YWHAQ: variants seen among roughly 807,000 people sequenced by gnomAD.
YWHAQ encodes 14-3-3 protein theta.
A neutral mutation model predicts 28.3 loss-of-function variants in YWHAQ; 6 were observed. That is an observed-to-expected ratio of 0.21 (90% CI 0.12 to 0.42). The LOEUF is 0.42. YWHAQ is among the 10% of genes least tolerant of loss of function. The pLI, the probability that YWHAQ is intolerant of heterozygous loss-of-function variation, is 1.00. For missense variants in YWHAQ, 201 were observed against 305.6 expected, an observed-to-expected ratio of 0.66 and a Z score of 2.55; for synonymous variants, 143 against 119.1, an observed-to-expected ratio of 1.20 and a Z score of -1.31.
chr2:9,612,217 T>C (rs1666961772), intron 2 of YWHAQ, among the ~76,000 whole-genome samples: 1 of 152,260 alleles, frequency 6.6e-6, no homozygotes, highest in Non-Finnish European at 1.5e-5. Flanking sequence ...ACTGCTCCAA[T>C]AATCTAACTG....
intron 2 of YWHAQ, among the ~76,000 whole-genome samples, chr2:9,593,754 G>A (rs1193657538): frequency 2.0e-5 from 3 of 151,840 alleles, no homozygotes; most frequent in African/African-American, 2.4e-5. Flanking sequence ...CTTAAACCCC[G>A]GGGGTGGAGG....
In YWHAQ at chr2:9,600,444, T is replaced by C. The variant is rs138734999; in HGVS notation, c.295-8929A>G. On this transcript the variant is annotated intron_variant, in intron 2 of 5. Coordinates refer to ENST00000238081, the MANE Select transcript of YWHAQ (RefSeq NM_006826.4). Reference sequence around the variant, plus strand: ...TTTGAGGGCCGGGTGTGGTGACTCATGCCTATAATCCCAGCACTTGAGAGG... The same window carrying C: ...TTTGAGGGCCGGGTGTGGTGACTCACGCCTATAATCCCAGCACTTGAGAGG... Among the ~76,000 whole-genome samples the C allele has an allele frequency of 2.6e-5, 4 of 152,314 alleles. No individual in the cohort carries two copies. In the East Asian group the frequency reaches 7.7e-4, roughly 29 times the overall value.
At chr2:9,611,644 G>GAAAA (rs1361099508) in intron 2 of YWHAQ, among the ~76,000 whole-genome samples, 1 of 152,106 alleles carries the variant, frequency 6.6e-6, no homozygotes, top group African/African-American at 2.4e-5. Flanking sequence ...TTTGAAATAT[G>GAAAA]TATATCTACT....
At chr2:9,592,281 G>C (rs1037142503) in intron 2 of YWHAQ, among the ~76,000 whole-genome samples, 1 of 152,082 alleles carries the variant, frequency 6.6e-6, no homozygotes, top group African/African-American at 2.4e-5. Flanking sequence ...AAAAGTTCTT[G>C]AGTATGTCTT....
chr2:9,621,809 T>C (rs532489478), intron 2 of YWHAQ, among the ~76,000 whole-genome samples: 3 of 152,118 alleles, frequency 2.0e-5, no homozygotes, highest in Non-Finnish European at 4.4e-5. Flanking sequence ...AACGATAAAC[T>C]GGATCAAGAA....
At chr2:9,612,304 C>T (rs971873219) in intron 2 of YWHAQ, among the ~76,000 whole-genome samples, 1 of 152,158 alleles carries the variant, frequency 6.6e-6, no homozygotes. Context: ...AATTCCATTG[C>T]GGGCACGTTA....
At chr2:9,606,891 T>G (rs112283571) in intron 2 of YWHAQ, among the ~76,000 whole-genome samples, 22,445 of 150,796 alleles carry the variant, frequency 0.15, 2,020 homozygotes, top group Middle Eastern at 0.23. Context: ...TATTTTTCTT[T>G]TTTTTTTTTT....
chr2:9,630,417 C>G lies in YWHAQ; in HGVS notation c.36G>C (p.Leu12=). 1 of 1,612,842 alleles carries G rather than the reference C, an allele frequency of 6.2e-7. No individual in the cohort carries two copies. The highest frequency in any genetic ancestry group is 2.2e-5 in the East Asian group (1 of 44,860). Residue 12 remains leucine (L), a synonymous_variant, in exon 2 of 6, where the codon CTG becomes CTC. Transcript: ENST00000238081. The surrounding 1 kb of genome is among the most constrained non-coding windows in gnomAD (Gnocchi z 5.6). ...CGTCGTAGCGCTCGGCCTGCTCGGC[C>G]AGCTTGGCCTTCTGGATCAGCTCAG... ...EKTELIQKAK[L]AEQAERYDDM...
At chr2:9,629,775 T>C (rs747415491) in intron 2 of YWHAQ, among the ~76,000 whole-genome samples, 5 of 152,218 alleles carry the variant, frequency 3.3e-5, no homozygotes, top group Admixed American at 6.5e-5. Flanking sequence ...AAAAGGTGCC[T>C]GCGCCTTCTT....
chr2:9,623,801 T>C (rs1216770844), intron 2 of YWHAQ, among the ~76,000 whole-genome samples: 5 of 150,576 alleles, frequency 3.3e-5, no homozygotes, highest in Admixed American at 3.3e-4. Flanking sequence ...ATAAATAAAA[T>C]TAAATTTAAA....
At chr2:9,604,116 G>A (rs138707538) in intron 2 of YWHAQ, among the ~76,000 whole-genome samples, 5 of 152,208 alleles carry the variant, frequency 3.3e-5, no homozygotes, top group African/African-American at 1.2e-4. Flanking sequence ...TCAGTGCTAC[G>A]CTCCCCACCT....
intron 2 of YWHAQ, among the ~76,000 whole-genome samples, chr2:9,615,546 G>C (rs909379111): frequency 3.3e-5 from 5 of 152,160 alleles, no homozygotes; most frequent in African/African-American, 1.2e-4. Flanking sequence ...GAAGGTCTCA[G>C]AGGTCCTCTT....
At chr2:9,614,087 T>C (rs1440475069) in intron 2 of YWHAQ, among the ~76,000 whole-genome samples, 1 of 152,224 alleles carries the variant, frequency 6.6e-6, no homozygotes, top group African/African-American at 2.4e-5. Flanking sequence ...TCCTATGCTA[T>C]ATCCCCACAT....
chr2:9,590,925 A>T (rs1373057433), intron 3 of YWHAQ, among the ~76,000 whole-genome samples: 2 of 152,202 alleles, frequency 1.3e-5, no homozygotes, highest in East Asian at 3.8e-4. Context: ...TTAGCAGTCA[A>T]TGTTATGACC....
At chr2:9,620,780 G>A (rs1409727263) in intron 2 of YWHAQ, 1 of 152,172 alleles carries the variant, frequency 6.6e-6, no homozygotes, top group East Asian at 1.9e-4. Flanking sequence ...AAGATGGGGT[G>A]CAGGGGCAGA....
At chr2:9,624,622 TTCC>T (rs1667212569) in intron 2 of YWHAQ, among the ~76,000 whole-genome samples, 3 of 152,144 alleles carry the variant, frequency 2.0e-5, no homozygotes, top group African/African-American at 7.2e-5. Context: ...AGCACCTTCC[TTCC>T]TCAAGTCTTA....
chr2:9,606,930 G>C (rs1290296882), intron 2 of YWHAQ, among the ~76,000 whole-genome samples: 2 of 149,922 alleles, frequency 1.3e-5, no homozygotes, highest in African/African-American at 2.5e-5. Context: ...TGTCGCCCAG[G>C]CTGCAGTGCA....
chr2:9,591,016 G>A (rs760322484), intron 3 of YWHAQ, among the ~76,000 whole-genome samples: 1 of 152,198 alleles, frequency 6.6e-6, no homozygotes, highest in Non-Finnish European at 1.5e-5. Context: ...AATTTCCAGT[G>A]ATCTGAAGTT....
intron 2 of YWHAQ, among the ~76,000 whole-genome samples, chr2:9,597,136 A>T (rs1384358915): frequency 6.6e-6 from 1 of 152,200 alleles, no homozygotes; most frequent in Non-Finnish European, 1.5e-5. Context: ...TATGATCTAA[A>T]GGTCTCTGGT....
Sources: gnomAD v4.1 joint callset for allele counts (sites outside exome capture counted in the v4.1 genomes callset) on GRCh38, gnomAD v4.1.1 for gene constraint, Gnocchi (gnomAD v3.1) non-coding constraint, MANE v1.5 for transcripts, NCBI Gene and HGNC (gene_info 2026-07-23, HGNC 2026-07-21) for gene names.